Variants in CAMK1D observed in about 807,000 individuals in gnomAD.
CAMK1D encodes calcium/calmodulin-dependent protein kinase type 1D.
Under a neutral mutation model 47.7 loss-of-function variants are expected in CAMK1D, and 9 were observed. The observed-to-expected ratio is 0.19, with a 90% CI of 0.11 to 0.33. The LOEUF (loss-of-function observed/expected upper bound fraction) is 0.33, where lower values mean the gene tolerates loss of function less well. Ranked by LOEUF, CAMK1D falls within the 10% of genes least tolerant of loss-of-function variation. The pLI is 1.00. For missense variants in CAMK1D, 291 were observed against 488.7 expected, an observed-to-expected ratio of 0.60 and a Z score of 3.81; for synonymous variants, 184 against 184.9, an observed-to-expected ratio of 0.99 and a Z score of 0.04.
Position 12,814,165 on chromosome 10 carries a change from TTCCAGCTTTTAC to T in CAMK1D, c.642-25_642-14del, listed in dbSNP as rs755417030. ...AGTCACCACACTGGTTATGCAGATGTTCCAGCTTTTACTCCATTTTGTCTCCTAGGCTCTGCG... is the reference window on the plus strand; with the variant it reads ...AGTCACCACACTGGTTATGCAGATGTTCCATTTTGTCTCCTAGGCTCTGCG... On this transcript the variant is annotated intron_variant, in intron 6 of 10. Transcript: ENST00000619168. 2.1e-6 allele frequency: 3 copies of T among 1,396,296 alleles called. No individual in the cohort carries two copies. In the South Asian group the frequency reaches 3.5e-5, roughly 16 times the overall value. 86.5% of individuals were successfully genotyped at this position (1,396,296 alleles called of 1,614,324 possible).
chr10:12,528,930 T>C (rs1468315996), intron 1 of CAMK1D, among the ~76,000 whole-genome samples: 1 of 151,866 alleles, frequency 6.6e-6, no homozygotes, highest in Non-Finnish European at 1.5e-5. Context: ...TTTGTAGAGA[T>C]AGTGTCTCAC....
chr10:12,719,382 T>C (rs964675309), intron 3 of CAMK1D, among the ~76,000 whole-genome samples: 2 of 151,240 alleles, frequency 1.3e-5, no homozygotes, highest in African/African-American at 4.9e-5. Context: ...CACTCCAGCC[T>C]GGGCAACAGA....
At chr10:12,663,561 G>T (rs745431178) in intron 2 of CAMK1D, among the ~76,000 whole-genome samples, 2 of 152,096 alleles carry the variant, frequency 1.3e-5, no homozygotes, top group African/African-American at 4.8e-5. Context: ...TCTGAGAAGC[G>T]TTCTAGCTCC....
chr10:12,649,938 C>T (rs1839913574), intron 2 of CAMK1D, among the ~76,000 whole-genome samples: 1 of 152,208 alleles, frequency 6.6e-6, no homozygotes, highest in African/African-American at 2.4e-5. Context: ...GTCAGGACTC[C>T]AAGCAGGGTT....
chr10:12,354,771 G>A (rs1837455533), intron 1 of CAMK1D, among the ~76,000 whole-genome samples: 1 of 151,926 alleles, frequency 6.6e-6, no homozygotes. Context: ...GTGTAAGGAG[G>A]GCACTTGCTT....
chr10:12,666,936 G>A, intron 3 of CAMK1D, 126 bp downstream of exon 3: 1 of 756,058 alleles, frequency 1.3e-6, no homozygotes, highest in East Asian at 2.5e-5. Flanking sequence ...GGAGGCCTGT[G>A]GGATACTAGA....
chr10:12,488,641 T>C (rs556851243), intron 1 of CAMK1D, among the ~76,000 whole-genome samples: 2 of 152,262 alleles, frequency 1.3e-5, no homozygotes, highest in East Asian at 3.9e-4. Flanking sequence ...CTCACCATCA[T>C]GTAGAGCCAG....
intron 5 of CAMK1D, among the ~76,000 whole-genome samples, chr10:12,786,650 T>G (rs1837737363): frequency 6.6e-6 from 1 of 152,250 alleles, no homozygotes; most frequent in Admixed American, 6.5e-5. Flanking sequence ...CTTCCAACTC[T>G]GGGCTCAAGT....
intron 2 of CAMK1D, among the ~76,000 whole-genome samples, chr10:12,586,470 A>G (rs2132350037): frequency 6.7e-6 from 1 of 150,346 alleles, no homozygotes; most frequent in East Asian, 2.0e-4. Context: ...AAAAAAAAAA[A>G]AAAATTGAAG....
intron 2 of CAMK1D, among the ~76,000 whole-genome samples, chr10:12,573,213 A>G (rs1218528858): frequency 1.3e-5 from 2 of 152,254 alleles, no homozygotes; most frequent in Non-Finnish European, 2.9e-5. Flanking sequence ...CTCAGGCCAC[A>G]GGCCTGCAGC....
intron 4 of CAMK1D, among the ~76,000 whole-genome samples, chr10:12,763,860 G>A (rs549166941): frequency 6.6e-6 from 1 of 152,292 alleles, no homozygotes; most frequent in Non-Finnish European, 1.5e-5. Flanking sequence ...ATAATATGCC[G>A]AAAACTTAAT....
At chr10:12,703,556 C>T (rs554102117) in intron 3 of CAMK1D, among the ~76,000 whole-genome samples, 1 of 152,122 alleles carries the variant, frequency 6.6e-6, no homozygotes, top group Non-Finnish European at 1.5e-5. Flanking sequence ...TTTCATATGT[C>T]GCCCAGATAC....
intron 4 of CAMK1D, among the ~76,000 whole-genome samples, chr10:12,767,778 C>T (rs1294766095): frequency 2.6e-5 from 4 of 152,194 alleles, no homozygotes; most frequent in Non-Finnish European, 4.4e-5. Flanking sequence ...AATAGTCACT[C>T]ACGCTTTAGT....
At chr10:12,525,905 T>A (rs1835606066) in intron 1 of CAMK1D, among the ~76,000 whole-genome samples, 1 of 152,132 alleles carries the variant, frequency 6.6e-6, no homozygotes, top group African/African-American at 2.4e-5. Context: ...TTACAGGTGC[T>A]TGCCATCATG....
In CAMK1D at chr10:12,683,347, A is replaced by T. The variant is rs139142064; in HGVS notation, c.299+16537A>T. Among the ~76,000 whole-genome samples the T allele has an allele frequency of 1.7e-3, 257 of 152,250 alleles. 1 individual carries two copies. The Middle Eastern group carries it at 0.017, about 10-fold the overall frequency. ...GTGATTCGCCCTCCTTGGTCTCCCA[A>T]AGTGCTAGGATTACAGGTGTAAGCC... On this transcript the variant is annotated intron_variant, in intron 3 of 10. Transcript: ENST00000619168.
At chr10:12,479,634 C>G (rs1443309185) in intron 1 of CAMK1D, among the ~76,000 whole-genome samples, 1 of 152,206 alleles carries the variant, frequency 6.6e-6, no homozygotes, top group Non-Finnish European at 1.5e-5. Flanking sequence ...GGGCCTGTCT[C>G]TCGCCCCACA....
At chr10:12,765,515 T>C (rs1162601675) in intron 4 of CAMK1D, among the ~76,000 whole-genome samples, 1 of 152,226 alleles carries the variant, frequency 6.6e-6, no homozygotes, top group East Asian at 1.9e-4. Flanking sequence ...GACCCTGCTC[T>C]CTGGCTGTCC....
rs540343433 is a variant in CAMK1D, at chr10:12,800,079, G to A, written c.641+8846G>A. On this transcript the variant is annotated intron_variant, in intron 6 of 10. Transcript: ENST00000619168. ...GCATTTTCATCACCAGTACTTTGCC[G>A]GAGTCACCCTCTGCATGGTTTAATA... is the stretch of plus-strand genomic sequence containing the variant. 3.3e-5 allele frequency among the ~76,000 whole-genome samples: 5 copies of A among 152,216 alleles called. No homozygotes were observed. The East Asian group carries it at 9.7e-4, about 29-fold the overall frequency.
chr10:12,781,878 C>G (rs1337965054), intron 5 of CAMK1D, among the ~76,000 whole-genome samples: 1 of 152,018 alleles, frequency 6.6e-6, no homozygotes, highest in African/African-American at 2.4e-5. Flanking sequence ...AAACTCCTGA[C>G]CTCAGGTGAC....
Sources: allele counts gnomAD v4.1 joint callset (sites outside exome capture counted in the v4.1 genomes callset), GRCh38; gene constraint gnomAD v4.1.1; transcripts MANE v1.5; gene names NCBI Gene and HGNC (gene_info 2026-07-23, HGNC 2026-07-21).